SYNGR1: variants seen among roughly 807,000 people sequenced by gnomAD.
SYNGR1 encodes the protein synaptogyrin 1.
A neutral mutation model predicts 26.1 loss-of-function variants in SYNGR1; 14 were observed. That is an observed-to-expected ratio of 0.54 (90% CI 0.35 to 0.84). SYNGR1 has a LOEUF of 0.84. Ranked by LOEUF, SYNGR1 falls within the 40% of genes least tolerant of loss-of-function variation. SYNGR1 has a pLI of 0.01. For missense variants in SYNGR1, 319 were observed against 332.9 expected (o/e 0.96, Z 0.33); for synonymous variants, 141 against 150.1 (o/e 0.94, Z 0.44).
rs41274555 is a variant in SYNGR1 at position 39,382,844 on chromosome 22, C to T, written c.*930C>T. ...CTCTGTGCTCTGCGTGTCCCACAGACGCTTGTTCCAGGGGGCTCCAGCAAA... is the reference window on the plus strand; with the variant it reads ...CTCTGTGCTCTGCGTGTCCCACAGATGCTTGTTCCAGGGGGCTCCAGCAAA... On this transcript the variant is annotated 3_prime_UTR_variant, in exon 4 of 4. Coordinates refer to ENST00000328933, the MANE Select transcript of SYNGR1 (RefSeq NM_004711.5). 909 of 152,718 alleles carry T rather than the reference C, an allele frequency of 6.0e-3. 3 individuals are homozygous for T. Among genetic ancestry groups the T allele is most frequent in the Middle Eastern group, 0.014 (4 of 294 alleles). 9.5% of individuals were successfully genotyped at this position (152,718 alleles called of 1,614,324 possible). A position where few individuals can be genotyped will look rare whatever the true frequency, so the allele number is the denominator to read the frequency against.
At chr22:39,373,265 T>C (rs1925116557) in intron 1 of SYNGR1, among the ~76,000 whole-genome samples, 1 of 149,074 alleles carries the variant, frequency 6.7e-6, no homozygotes, top group African/African-American at 2.5e-5. Context: ...ACCTCCCAGG[T>C]TCAAGTGATT....
intron 1 of SYNGR1, among the ~76,000 whole-genome samples, chr22:39,368,741 T>C (rs1043720577): frequency 6.7e-6 from 1 of 149,404 alleles, no homozygotes; most frequent in African/African-American, 2.5e-5. Context: ...GAGCCTGATA[T>C]TGTTCTGTTT....
chr22:39,359,783 G>A (rs1045796188), intron 1 of SYNGR1, among the ~76,000 whole-genome samples: 4 of 151,842 alleles, frequency 2.6e-5, no homozygotes, highest in Admixed American at 1.3e-4. Context: ...GGTCTTGTCC[G>A]CCAGCCTCAG....
At chr22:39,374,176 C>G (rs1009465612) in intron 1 of SYNGR1, 140 bp from the exon 2 acceptor site, 33 of 726,500 alleles carry the variant, frequency 4.5e-5, no homozygotes, top group South Asian at 3.3e-4. Flanking sequence ...CTGGGGATCC[C>G]CCTCTGAAAT....
At position 39,385,349 on chromosome 22, in the gene SYNGR1, A is replaced by T. The variant is rs562860257; in HGVS notation, c.*3435A>T. ...ATATTTTCTATATATAAGATGTATA[A>T]TATAAGGCTCCACAAATATATCTGT... On this transcript the variant is annotated 3_prime_UTR_variant, in exon 4 of 4. Coordinates refer to ENST00000328933, the MANE Select transcript of SYNGR1 (RefSeq NM_004711.5). 1 of 157,220 alleles carries T rather than the reference A, an allele frequency of 6.4e-6. No homozygotes were observed. The highest frequency in any genetic ancestry group is 2.1e-4 in the South Asian group (1 of 4,872). The allele number at this position is 157,220 out of a possible 1,614,324, so 9.7% of individuals were successfully genotyped here.
chr22:39,376,432 T>C (rs1280163339), intron 3 of SYNGR1, among the ~76,000 whole-genome samples: 1 of 150,884 alleles, frequency 6.6e-6, no homozygotes, highest in East Asian at 2.0e-4. Flanking sequence ...CTCACTGTGG[T>C]GCAGAGCAGC....
chr22:39,377,121 C>T lies in SYNGR1; in HGVS notation c.483+924C>T, dbSNP rs1925318953. Reference sequence around the variant, plus strand: ...GAGCACTTCTGGGCCCAGCCTCCTGCAAGGAGACTCTTGAGGCTACATACA... The same window carrying T: ...GAGCACTTCTGGGCCCAGCCTCCTGTAAGGAGACTCTTGAGGCTACATACA... On this transcript the variant is annotated intron_variant, in intron 3 of 3. Transcript: ENST00000328933. 2.0e-6 allele frequency: 3 copies of T among 1,535,172 alleles called. No homozygotes were observed. In the South Asian group the frequency reaches 3.6e-5, roughly 19 times the overall value.
chr22:39,381,728 C>T lies in SYNGR1; in HGVS notation c.516C>T (p.Tyr172=). The change falls in exon 4 of 4, where the codon TAC becomes TAT. Residue 172 remains tyrosine (Y), a synonymous_variant. Coordinates refer to ENST00000328933, the MANE Select transcript of SYNGR1 (RefSeq NM_004711.5). The part of the protein sequence containing the change: ...AGQAVLAFQR[Y]QIGADSALFS... ...AGGCTGTGCTGGCCTTCCAGCGGTACCAGATTGGCGCCGACTCGGCCCTCT... is the reference window on the plus strand; with the variant it reads ...AGGCTGTGCTGGCCTTCCAGCGGTATCAGATTGGCGCCGACTCGGCCCTCT... The T allele has an allele frequency of 3.1e-6, 5 of 1,613,438 alleles. No individual in the cohort carries two copies. The highest frequency in any genetic ancestry group is 4.2e-6 in the Non-Finnish European group (5 of 1,180,006).
intron 1 of SYNGR1, among the ~76,000 whole-genome samples, chr22:39,352,217 C>T (rs1352176712): frequency 1.3e-5 from 2 of 152,212 alleles, no homozygotes; most frequent in South Asian, 2.1e-4. Flanking sequence ...CCTGGACCAA[C>T]CAATGCTCAA....
At chr22:39,354,015 C>T (rs889556930) in intron 1 of SYNGR1, among the ~76,000 whole-genome samples, 2 of 152,156 alleles carry the variant, frequency 1.3e-5, no homozygotes, top group African/African-American at 4.8e-5. Context: ...AGGCACCCAC[C>T]ACCATGCCCA....
intron 1 of SYNGR1, among the ~76,000 whole-genome samples, chr22:39,356,644 G>C (rs1478577293): frequency 6.6e-6 from 1 of 152,170 alleles, no homozygotes; most frequent in Admixed American, 6.5e-5. Flanking sequence ...GAGGCAGATG[G>C]CAGGGCTGTT....
chr22:39,362,071 C>T (rs1160942056), intron 1 of SYNGR1, among the ~76,000 whole-genome samples: 1 of 149,148 alleles, frequency 6.7e-6, no homozygotes, highest in Non-Finnish European at 1.5e-5. Context: ...TGGTCTCAAA[C>T]TCCTGGGTTC....
chr22:39,350,111 TA>T lies in SYNGR1; in HGVS notation c.99+4del. ...ACCATCCTGCGCGTCGTGTCTTGGG[TA>T]AGGACGGACTGGCCGACGGCTCTGC... On this transcript the variant is annotated splice_donor_region_variant and intron_variant, in intron 1 of 3. Coordinates refer to ENST00000328933, the MANE Select transcript of SYNGR1 (RefSeq NM_004711.5). This position sits in a 1 kb window ranked among gnomAD's most constrained non-coding sequence, Gnocchi z 4.3. 1 of 1,447,240 alleles carries T rather than the reference TA, an allele frequency of 6.9e-7. No individual in the cohort carries two copies. 89.6% of individuals were successfully genotyped at this position (1,447,240 alleles called of 1,614,324 possible).
Position 39,361,174 on chromosome 22 carries a change from C to T in SYNGR1, c.99+11065C>T, listed in dbSNP as rs532532679. On this transcript the variant is annotated intron_variant, in intron 1 of 3. Transcript: ENST00000328933. ...AGAGTTCTCAAAACAGGGAGCTTTC[C>T]CCTTCTGTGCCTTTCTTCTCTAGAA... Among the ~76,000 whole-genome samples, 28 of 152,304 alleles carry T rather than the reference C, an allele frequency of 1.8e-4. No homozygotes were observed. In the South Asian group the frequency reaches 5.6e-3, roughly 30 times the overall value.
At chr22:39,369,486 C>T (rs868768270) in intron 1 of SYNGR1, among the ~76,000 whole-genome samples, 1 of 152,168 alleles carries the variant, frequency 6.6e-6, no homozygotes. Flanking sequence ...GCCTTCCTCC[C>T]TGCTGGTCCT....
Position 39,357,895 on chromosome 22 carries a change from C to T in SYNGR1, c.99+7786C>T, listed in dbSNP as rs556896687. ...CTAAGCCTCCCACCCACTCCATGGG[C>T]TCCTGTGCGGCCCGAGCCTCCCCGA... On this transcript the variant is annotated intron_variant, in intron 1 of 3. Coordinates refer to ENST00000328933, the MANE Select transcript of SYNGR1 (RefSeq NM_004711.5). Among the ~76,000 whole-genome samples the T allele has an allele frequency of 5.2e-5, 8 of 152,392 alleles. No homozygotes were observed. In the South Asian group the frequency reaches 8.3e-4, roughly 16 times the overall value.
At chr22:39,379,922 G>A (rs966025209) in intron 3 of SYNGR1, 6 of 152,242 alleles carry the variant, frequency 3.9e-5, no homozygotes, top group African/African-American at 1.4e-4. Context: ...GGGGTCTGGA[G>A]AGTATCAGCA....
In SYNGR1 at chr22:39,358,498, G is replaced by A. The variant is rs564172018; in HGVS notation, c.99+8389G>A. On this transcript the variant is annotated intron_variant, in intron 1 of 3. Coordinates refer to ENST00000328933, the MANE Select transcript of SYNGR1 (RefSeq NM_004711.5). ...TTTTATGAGCTGTAACACTCACCGC[G>A]AAGGTCTGCAGCTTCATTCCTGAAG... Among the ~76,000 whole-genome samples the A allele has an allele frequency of 3.3e-5, 5 of 152,228 alleles. 1 individual carries two copies. The South Asian group carries it at 8.3e-4, about 25-fold the overall frequency.
intron 1 of SYNGR1, among the ~76,000 whole-genome samples, chr22:39,366,222 C>T (rs975291759): frequency 1.3e-5 from 2 of 151,556 alleles, no homozygotes; most frequent in African/African-American, 4.8e-5. Flanking sequence ...CACTCACCCT[C>T]AAGTGATCCA....
Sources: gnomAD v4.1 joint callset for allele counts (sites outside exome capture counted in the v4.1 genomes callset) on GRCh38, gnomAD v4.1.1 for gene constraint, Gnocchi (gnomAD v3.1) non-coding constraint, MANE v1.5 for transcripts, NCBI Gene and HGNC (gene_info 2026-07-23, HGNC 2026-07-21) for gene names.